Variants in HCN1 observed in about 807,000 individuals in gnomAD.
HCN1 encodes potassium/sodium hyperpolarization-activated cyclic nucleotide-gated channel 1.
HCN1 carries 13 observed loss-of-function variants against 78.9 expected under a neutral mutation model. The ratio of observed to expected loss-of-function variants is 0.16; its 90% CI spans 0.11 to 0.26. HCN1 has a LOEUF of 0.26. Among genes scored for constraint, HCN1 ranks in the 10% least tolerant of loss-of-function variants. HCN1 has a pLI of 1.00. For synonymous variants in HCN1, 552 were observed against 455.5 expected (o/e 1.21, Z -2.70); for missense variants, 810 against 1,154.3 (o/e 0.70, Z 4.32).
chr5:45,523,399 G>T (rs553891751), intron 2 of HCN1, among the ~76,000 whole-genome samples: 1 of 151,952 alleles, frequency 6.6e-6, no homozygotes, highest in Admixed American at 6.6e-5. Context: ...GGGTCAAATG[G>T]TATTTCTAGT....
chr5:45,337,391 A>G (rs1453046091), intron 5 of HCN1, among the ~76,000 whole-genome samples: 1 of 152,130 alleles, frequency 6.6e-6, no homozygotes, highest in Non-Finnish European at 1.5e-5. Context: ...TGACAGTGAT[A>G]CTAAGAAAGT....
intron 5 of HCN1, among the ~76,000 whole-genome samples, chr5:45,345,767 T>A (rs1181018416): frequency 6.6e-6 from 1 of 152,162 alleles, no homozygotes; most frequent in African/African-American, 2.4e-5. Flanking sequence ...TTTCCCACAT[T>A]TTACTCTCTT....
chr5:45,312,098 G>C (rs1287774618), intron 5 of HCN1, among the ~76,000 whole-genome samples: 2 of 152,170 alleles, frequency 1.3e-5, no homozygotes, highest in African/African-American at 4.8e-5. Context: ...ATGTTTCTGG[G>C]ATCCACCTTT....
chr5:45,534,658 G>A (rs1337826868), intron 2 of HCN1, among the ~76,000 whole-genome samples: 1 of 149,584 alleles, frequency 6.7e-6, no homozygotes, highest in Non-Finnish European at 1.5e-5. Context: ...GCCTATACGA[G>A]ATTCTAAGCC....
At chr5:45,425,040 C>T (rs761975387) in intron 3 of HCN1, among the ~76,000 whole-genome samples, 9 of 152,096 alleles carry the variant, frequency 5.9e-5, no homozygotes, top group South Asian at 2.1e-4. Context: ...AAAATGGCAT[C>T]GATGTTTTAT....
At position 45,448,082 on chromosome 5, in the gene HCN1, A is replaced by G. The variant is rs1740836614; in HGVS notation, c.1011+13764T>C. On this transcript the variant is annotated intron_variant, in intron 3 of 7. Coordinates refer to ENST00000303230, the MANE Select transcript of HCN1 (RefSeq NM_021072.4). Reference sequence around the variant, plus strand: ...GTTTTATAATTACCAAATTATAATGATAATTATCTCATATATAATTTATTT... The same window carrying G: ...GTTTTATAATTACCAAATTATAATGGTAATTATCTCATATATAATTTATTT... Among the ~76,000 whole-genome samples the G allele has an allele frequency of 2.6e-5, 4 of 151,958 alleles. No homozygotes were observed. In the South Asian group the frequency reaches 8.3e-4, roughly 31 times the overall value.
At chr5:45,637,418 G>A (rs576728302) in intron 2 of HCN1, among the ~76,000 whole-genome samples, 210 of 151,836 alleles carry the variant, frequency 1.4e-3, no homozygotes, top group African/African-American at 4.8e-3. Flanking sequence ...AAGTACTTTA[G>A]AGCCCAGTTA....
chr5:45,670,763 T>G (rs1182126954), intron 1 of HCN1, among the ~76,000 whole-genome samples: 1 of 151,668 alleles, frequency 6.6e-6, no homozygotes, highest in Non-Finnish European at 1.5e-5. Context: ...TCAATGCATA[T>G]TTTTCAAAGG....
chr5:45,688,456 G>A (rs914286030), intron 1 of HCN1, among the ~76,000 whole-genome samples: 1 of 152,068 alleles, frequency 6.6e-6, no homozygotes, highest in East Asian at 1.9e-4. Flanking sequence ...ATACTTGCAG[G>A]TGCCAGTGGG....
chr5:45,280,782 T>C (rs988157975), intron 6 of HCN1, among the ~76,000 whole-genome samples: 1 of 152,228 alleles, frequency 6.6e-6, no homozygotes, highest in Non-Finnish European at 1.5e-5. Context: ...TTTGGGACAT[T>C]TGCTTTAATT....
intron 3 of HCN1, among the ~76,000 whole-genome samples, chr5:45,428,063 GC>G (rs1165689306): frequency 3.3e-5 from 5 of 151,906 alleles, no homozygotes; most frequent in Non-Finnish European, 5.9e-5. Context: ...CATTGTTCAA[GC>G]CACTTAATAT....
intron 2 of HCN1, among the ~76,000 whole-genome samples, chr5:45,518,361 C>T (rs1449989856): frequency 1.3e-5 from 2 of 152,026 alleles, no homozygotes; most frequent in East Asian, 2.0e-4. Context: ...TCAGTCTCCC[C>T]ACATTGTTCA....
chr5:45,435,906 A>G (rs1479535608), intron 3 of HCN1, among the ~76,000 whole-genome samples: 2 of 152,160 alleles, frequency 1.3e-5, no homozygotes, highest in Non-Finnish European at 2.9e-5. Context: ...TGATACATGA[A>G]CAAGTGTCCA....
Position 45,606,704 on chromosome 5 carries a change from TAAAC to T in HCN1, c.849+38477_849+38480del, listed in dbSNP as rs568902451. Reference sequence around the variant, plus strand: ...CGAAAGGTAAAAAAATGAAAATAAATAAACAAACAAACAAATAAACCCCACTAAA... The same window carrying T: ...CGAAAGGTAAAAAAATGAAAATAAATAAACAAACAAATAAACCCCACTAAA... On this transcript the variant is annotated intron_variant, in intron 2 of 7. Transcript: ENST00000303230. 1.4e-4 allele frequency among the ~76,000 whole-genome samples: 22 copies of T among 151,798 alleles called. No homozygotes were observed. The South Asian group carries it at 1.7e-3, about 11-fold the overall frequency.
At chr5:45,277,787 T>C (rs993862488) in intron 6 of HCN1, among the ~76,000 whole-genome samples, 29 of 152,266 alleles carry the variant, frequency 1.9e-4, no homozygotes, top group African/African-American at 7.0e-4. Context: ...GCTGGAGAAC[T>C]CTTTCGATGG....
chr5:45,511,721 A>T (rs557414434), intron 2 of HCN1, among the ~76,000 whole-genome samples: 10 of 152,152 alleles, frequency 6.6e-5, no homozygotes, highest in African/African-American at 2.4e-4. Context: ...ATGAGGACTT[A>T]ATGTAATGTG....
At chr5:45,671,083 A>C (rs77197422) in intron 1 of HCN1, among the ~76,000 whole-genome samples, 3 of 151,692 alleles carry the variant, frequency 2.0e-5, no homozygotes, top group African/African-American at 7.3e-5. Context: ...AGTAAACTCA[A>C]ATAAATTCCT....
chr5:45,549,025 T>A (rs2111849270), intron 2 of HCN1, among the ~76,000 whole-genome samples: 1 of 151,622 alleles, frequency 6.6e-6, no homozygotes, highest in Admixed American at 6.6e-5. Context: ...GAACATTCCA[T>A]GCTCATGGGT....
intron 5 of HCN1, among the ~76,000 whole-genome samples, chr5:45,326,200 T>C (rs1018225090): frequency 1.8e-4 from 28 of 151,724 alleles, no homozygotes; most frequent in South Asian, 2.1e-4. Flanking sequence ...ATGTACCCCA[T>C]AAATACATAC....
Sources: allele counts gnomAD v4.1 joint callset (sites outside exome capture counted in the v4.1 genomes callset), GRCh38; gene constraint gnomAD v4.1.1; transcripts MANE v1.5; gene names NCBI Gene and HGNC (gene_info 2026-07-23, HGNC 2026-07-21).